Variants in GALNT13 observed in about 807,000 individuals in gnomAD.
The protein encoded by GALNT13 is polypeptide N-acetylgalactosaminyltransferase 13, also known as UDP-GalNAc:polypeptide N-acetylgalactosaminyltransferase 13.
Under a neutral mutation model 64.2 loss-of-function variants are expected in GALNT13, and 28 were observed. The observed-to-expected ratio is 0.44, with a 90% CI of 0.32 to 0.60. The LOEUF (loss-of-function observed/expected upper bound fraction) is 0.60. Ranked by LOEUF, GALNT13 falls within the 20% of genes least tolerant of loss-of-function variation. GALNT13 has a pLI of 0.05. For synonymous variants in GALNT13, 214 were observed against 224.6 expected, an observed-to-expected ratio of 0.95 and a Z score of 0.42; for missense variants, 577 against 669.8, an observed-to-expected ratio of 0.86 and a Z score of 1.53.
chr2:153,896,743 C>G (rs1474622712), intron 1 of GALNT13, among the ~76,000 whole-genome samples: 2 of 152,114 alleles, frequency 1.3e-5, no homozygotes. Context: ...TCCTACCTTT[C>G]AGCTTCAAGT....
the GALNT13 span, among the ~76,000 whole-genome samples, chr2:153,699,328 A>C: frequency 6.6e-6 from 1 of 152,206 alleles, no homozygotes; most frequent in African/African-American, 2.4e-5. Context: ...TCTCTGGGAC[A>C]CAGCTAAATC....
At chr2:153,411,264 C>T in the GALNT13 span, among the ~76,000 whole-genome samples, 20 of 150,790 alleles carry the variant, frequency 1.3e-4, no homozygotes, top group South Asian at 4.2e-4. Context: ...TTATTGAATA[C>T]CTGTTCCATG....
the GALNT13 span, among the ~76,000 whole-genome samples, chr2:153,842,155 A>G: frequency 6.6e-6 from 1 of 152,104 alleles, no homozygotes; most frequent in African/African-American, 2.4e-5. Flanking sequence ...TGGGGGAATA[A>G]TCTCTCCTAC....
the GALNT13 span, among the ~76,000 whole-genome samples, chr2:153,128,794 T>C: frequency 1.2e-4 from 18 of 151,850 alleles, no homozygotes; most frequent in African/African-American, 4.1e-4. Flanking sequence ...CTCACAATCA[T>C]GGTGGAAGGT....
At chr2:153,119,945 A>G in the GALNT13 span, among the ~76,000 whole-genome samples, 3 of 152,166 alleles carry the variant, frequency 2.0e-5, no homozygotes, top group Non-Finnish European at 4.4e-5. Context: ...TGCCCTACAT[A>G]TCCACTATCT....
At chr2:153,386,468 G>C in the GALNT13 span, among the ~76,000 whole-genome samples, 1 of 152,012 alleles carries the variant, frequency 6.6e-6, no homozygotes, top group Non-Finnish European at 1.5e-5. Flanking sequence ...ACACAAACAA[G>C]TTGGCAAAGT....
chr2:153,302,599 T>C, the GALNT13 span, among the ~76,000 whole-genome samples: 1 of 152,200 alleles, frequency 6.6e-6, no homozygotes, highest in Non-Finnish European at 1.5e-5. Flanking sequence ...CTATTTTTGC[T>C]TTTAAGTTCA....
At chr2:153,349,996 C>T in the GALNT13 span, among the ~76,000 whole-genome samples, 1 of 152,138 alleles carries the variant, frequency 6.6e-6, no homozygotes, top group Admixed American at 6.5e-5. Flanking sequence ...TAGCACTGGG[C>T]CGAACCTCCT....
chr2:154,322,353 T>A (rs927972301), intron 9 of GALNT13, among the ~76,000 whole-genome samples: 1 of 151,772 alleles, frequency 6.6e-6, no homozygotes, highest in African/African-American at 2.4e-5. Flanking sequence ...CTGGTATGAG[T>A]GGGATGATTT....
chr2:153,349,011 A>G, the GALNT13 span, among the ~76,000 whole-genome samples: 1 of 152,202 alleles, frequency 6.6e-6, no homozygotes, highest in Admixed American at 6.5e-5. Context: ...TCTTAAAACT[A>G]CAAGTTTTTC....
At chr2:153,438,468 A>C in the GALNT13 span, among the ~76,000 whole-genome samples, 14 of 152,194 alleles carry the variant, frequency 9.2e-5, no homozygotes, top group African/African-American at 3.1e-4. Flanking sequence ...TACACCAATC[A>C]GATGTAGATT....
chr2:153,155,263 C>T, the GALNT13 span, among the ~76,000 whole-genome samples: 1 of 152,148 alleles, frequency 6.6e-6, no homozygotes, highest in African/African-American at 2.4e-5. Context: ...AGGAGTCCCT[C>T]CTCAATTCTT....
chr2:154,397,930 G>A (rs1396703990), intron 10 of GALNT13, among the ~76,000 whole-genome samples: 1 of 152,152 alleles, frequency 6.6e-6, no homozygotes, highest in Non-Finnish European at 1.5e-5. Context: ...TATTGGAGAA[G>A]GAGGTATTGT....
chr2:154,098,169 T>A (rs1357927835), intron 3 of GALNT13, among the ~76,000 whole-genome samples: 1 of 148,984 alleles, frequency 6.7e-6, no homozygotes, highest in Non-Finnish European at 1.5e-5. Context: ...ATTAAATATT[T>A]TGAACGGCAC....
chr2:154,163,997 A>G (rs1684884041), intron 4 of GALNT13, among the ~76,000 whole-genome samples: 1 of 152,180 alleles, frequency 6.6e-6, no homozygotes, highest in South Asian at 2.1e-4. Flanking sequence ...AGATGTCTTA[A>G]GATATAAACT....
chr2:153,720,371 C>T, the GALNT13 span, among the ~76,000 whole-genome samples: 1 of 150,628 alleles, frequency 6.6e-6, no homozygotes, highest in African/African-American at 2.5e-5. Flanking sequence ...AAAAACAGAG[C>T]AGAAAAACTG....
chr2:154,153,663 C>T (rs1029857387), intron 4 of GALNT13, among the ~76,000 whole-genome samples: 4 of 152,212 alleles, frequency 2.6e-5, no homozygotes, highest in African/African-American at 9.6e-5. Flanking sequence ...GCCTGGCTGC[C>T]ACTTTGCAGT....
At chr2:153,213,133 T>C in the GALNT13 span, among the ~76,000 whole-genome samples, 1 of 152,224 alleles carries the variant, frequency 6.6e-6, no homozygotes, top group Non-Finnish European at 1.5e-5. Context: ...CAAGTTAGTC[T>C]GCCACATAAG....
intron 1 of GALNT13, among the ~76,000 whole-genome samples, chr2:153,888,711 A>G (rs1687351113): frequency 6.6e-6 from 1 of 152,028 alleles, no homozygotes; most frequent in Non-Finnish European, 1.5e-5. Flanking sequence ...ACTCCTGCCA[A>G]TTCTGGGGAC....
Sources: gnomAD v4.1 joint callset for allele counts (sites outside exome capture counted in the v4.1 genomes callset) on GRCh38, gnomAD v4.1.1 for gene constraint, MANE v1.5 for transcripts, NCBI Gene and HGNC (gene_info 2026-07-23, HGNC 2026-07-21) for gene names.